CTNNA2: variants seen among roughly 807,000 people sequenced by gnomAD.
CTNNA2 encodes the protein catenin alpha 2, also known as catenin alpha-2.
Under a neutral mutation model 101.0 loss-of-function variants are expected in CTNNA2, and 42 were observed. The ratio of observed to expected loss-of-function variants is 0.42; its 90% CI spans 0.32 to 0.54. The LOEUF is 0.54. Among genes scored for constraint, CTNNA2 ranks in the 20% least tolerant of loss-of-function variants. CTNNA2 has a pLI of 0.14. For synonymous variants in CTNNA2, 450 were observed against 456.4 expected, an observed-to-expected ratio of 0.99 and a Z score of 0.18; for missense variants, 871 against 1,223.1, an observed-to-expected ratio of 0.71 and a Z score of 4.29.
chr2:80,137,546 C>A (rs1156395034), intron 7 of CTNNA2, among the ~76,000 whole-genome samples: 1 of 152,012 alleles, frequency 6.6e-6, no homozygotes, highest in Non-Finnish European at 1.5e-5. Flanking sequence ...TGGGAAAGTT[C>A]TTTGAAGAAA....
chr2:80,357,148 G>A (rs556213897), intron 7 of CTNNA2, among the ~76,000 whole-genome samples: 20 of 151,874 alleles, frequency 1.3e-4, no homozygotes, highest in Non-Finnish European at 2.4e-4. Flanking sequence ...TTTCTTTAAT[G>A]AGTCCATGGT....
At chr2:79,230,258 T>C (rs911666313) in intron 2 of CTNNA2, among the ~76,000 whole-genome samples, 2 of 152,074 alleles carry the variant, frequency 1.3e-5, no homozygotes, top group Non-Finnish European at 2.9e-5. Flanking sequence ...AGGAAGAAAT[T>C]GTTTTGTTGG....
intron 7 of CTNNA2, among the ~76,000 whole-genome samples, chr2:79,972,116 A>C (rs1173334737): frequency 6.6e-6 from 1 of 152,192 alleles, no homozygotes; most frequent in Non-Finnish European, 1.5e-5. Flanking sequence ...ACCATACAAG[A>C]ACATGAATAC....
chr2:80,632,602 TAGA>T (rs1558662775), intron 18 of CTNNA2, among the ~76,000 whole-genome samples: 1 of 152,144 alleles, frequency 6.6e-6, no homozygotes, highest in African/African-American at 2.4e-5. Context: ...GTACTTCAGG[TAGA>T]AGAAGAAAAC....
intron 2 of CTNNA2, among the ~76,000 whole-genome samples, chr2:79,654,425 C>T (rs1409041721): frequency 5.9e-5 from 9 of 152,174 alleles, no homozygotes; most frequent in Admixed American, 5.9e-4. Context: ...CTGCAGTCCA[C>T]CTGCATCCCT....
At chr2:79,506,835 G>T (rs969722836) in intron 5 of CTNNA2, among the ~76,000 whole-genome samples, 4 of 152,280 alleles carry the variant, frequency 2.6e-5, no homozygotes, top group African/African-American at 9.6e-5. Flanking sequence ...CAGGCACATG[G>T]TGGTTTTGTA....
chr2:80,523,454 T>C (rs751770753), intron 9 of CTNNA2, among the ~76,000 whole-genome samples: 5 of 152,130 alleles, frequency 3.3e-5, no homozygotes, highest in Non-Finnish European at 4.4e-5. Context: ...TTGGTGATAA[T>C]GTTAGGCCTG....
intron 9 of CTNNA2, among the ~76,000 whole-genome samples, chr2:80,507,762 T>G (rs1428399397): frequency 6.6e-6 from 1 of 152,182 alleles, no homozygotes; most frequent in Non-Finnish European, 1.5e-5. Flanking sequence ...ATTACCATGC[T>G]CAATCTATTA....
At chr2:80,162,977 A>G in intron 7 of CTNNA2, 4 of 1,545,532 alleles carry the variant, frequency 2.6e-6, no homozygotes, top group Non-Finnish European at 3.6e-6. Context: ...CTTGCGAGGC[A>G]TGACTACTTC....
intron 3 of CTNNA2, among the ~76,000 whole-genome samples, chr2:79,373,643 C>CA (rs1247022946): frequency 1.2e-4 from 15 of 130,158 alleles, no homozygotes; most frequent in African/African-American, 3.4e-4. Flanking sequence ...GAAACATACA[C>CA]AAAAAAACGG....
At chr2:80,205,746 C>T (rs561280356) in intron 7 of CTNNA2, among the ~76,000 whole-genome samples, 112 of 152,236 alleles carry the variant, frequency 7.4e-4, no homozygotes, top group Non-Finnish European at 1.4e-3. Context: ...TTCTGTATGT[C>T]TTAAGGTACT....
At chr2:79,905,355 G>T (rs1216809428) in intron 6 of CTNNA2, among the ~76,000 whole-genome samples, 2 of 152,042 alleles carry the variant, frequency 1.3e-5, no homozygotes, top group African/African-American at 4.8e-5. Flanking sequence ...GAACTAAAAG[G>T]TCAAAAAGAT....
intron 2 of CTNNA2, among the ~76,000 whole-genome samples, chr2:79,232,288 AC>A (rs1674502728): frequency 6.6e-6 from 1 of 151,890 alleles, no homozygotes; most frequent in African/African-American, 2.4e-5. Context: ...TTTATCTAAG[AC>A]TTTTTTTTTC....
intron 4 of CTNNA2, among the ~76,000 whole-genome samples, chr2:79,455,328 G>A (rs190994330): frequency 9.6e-4 from 146 of 152,186 alleles, no homozygotes; most frequent in African/African-American, 3.3e-3. Flanking sequence ...TTGGAGCTTT[G>A]GGTTGGGTGG....
intron 7 of CTNNA2, among the ~76,000 whole-genome samples, chr2:80,230,089 G>A (rs986202616): frequency 6.6e-6 from 1 of 152,054 alleles, no homozygotes; most frequent in Non-Finnish European, 1.5e-5. Flanking sequence ...CTACACCATA[G>A]AGCCTAGGCA....
chr2:80,223,108 T>C (rs1443895), intron 7 of CTNNA2, among the ~76,000 whole-genome samples: 57,305 of 152,042 alleles, frequency 0.38, 12,824 homozygotes, highest in Non-Finnish European at 0.51. Flanking sequence ...TATCTGTTTA[T>C]TGAGTTTGTA....
intron 2 of CTNNA2, among the ~76,000 whole-genome samples, chr2:79,259,084 G>A (rs1355589996): frequency 1.3e-5 from 2 of 152,112 alleles, no homozygotes; most frequent in African/African-American, 4.8e-5. Flanking sequence ...TTTAAGAACT[G>A]GGGAAGAGTG....
At chr2:80,359,749 AG>A (rs1401916428) in intron 7 of CTNNA2, among the ~76,000 whole-genome samples, 2 of 152,134 alleles carry the variant, frequency 1.3e-5, no homozygotes, top group Non-Finnish European at 2.9e-5. Flanking sequence ...ATTTCTTTAG[AG>A]CAGTGTAAGA....
intron 9 of CTNNA2, among the ~76,000 whole-genome samples, chr2:80,512,725 C>A (rs1011504576): frequency 2.0e-5 from 3 of 151,206 alleles, no homozygotes; most frequent in Admixed American, 6.6e-5. Flanking sequence ...TACATTTGTT[C>A]ACCTATGTCA....
Sources: allele counts gnomAD v4.1 joint callset (sites outside exome capture counted in the v4.1 genomes callset), GRCh38; gene constraint gnomAD v4.1.1; transcripts MANE v1.5; gene names NCBI Gene and HGNC (gene_info 2026-07-23, HGNC 2026-07-21).